CYLC2: variants seen among roughly 807,000 people sequenced by gnomAD.
CYLC2 encodes the protein cylicin-2.
In CYLC2, 30 loss-of-function variants were observed where a neutral mutation model predicts 26.1. The observed-to-expected ratio is 1.15, with a 90% CI of 0.86 to 1.56. CYLC2 has a LOEUF of 1.56. CYLC2 is among the 40% of genes most tolerant of loss of function. CYLC2 has a pLI of 0.00. For synonymous variants in CYLC2, 158 were observed against 132.8 expected (o/e 1.19, Z -1.31); for missense variants, 498 against 394.4 (o/e 1.26, Z -2.23).
At chr9:103,009,842 T>C (rs915685031) in intron 5 of CYLC2, among the ~76,000 whole-genome samples, 1 of 151,476 alleles carries the variant, frequency 6.6e-6, no homozygotes, top group Non-Finnish European at 1.5e-5. Context: ...AACACTTTTA[T>C]CTTTGTAATA....
chr9:103,013,487 C>CATATATTATATAAATATATATTTAAT (rs1564100586), intron 6 of CYLC2, among the ~76,000 whole-genome samples: 13 of 107,564 alleles, frequency 1.2e-4, no homozygotes. Flanking sequence ...ATATATTTAA[C>CATATATTATATAAATATATATTTAAT]ATATTACATA....
chr9:102,999,033 T>G (rs866981630), intron 1 of CYLC2, among the ~76,000 whole-genome samples: 1 of 151,960 alleles, frequency 6.6e-6, no homozygotes, highest in Middle Eastern at 3.4e-3. Flanking sequence ...GACACTTGAG[T>G]TGCTTTTAGT....
rs376588588 is a variant in CYLC2 at position 102,998,548 on chromosome 9, A to G, written c.18-3030A>G. Among the ~76,000 whole-genome samples, 7 of 151,926 alleles carry G rather than the reference A, an allele frequency of 4.6e-5. No homozygotes were observed. In the East Asian group the frequency reaches 5.8e-4, roughly 13 times the overall value. The stretch of plus-strand genomic sequence containing the variant: ...AGAGTGGGAAAGTGCTATCAAATCC[A>G]AAAGATCAAATTGCTTTAATTGCTT... On this transcript the variant is annotated intron_variant, in intron 1 of 7. Coordinates refer to ENST00000374798, the MANE Select transcript of CYLC2 (RefSeq NM_001340.5).
Position 103,002,524 on chromosome 9 carries a change from C to T in CYLC2, c.59-618C>T, listed in dbSNP as rs10990420. Among the ~76,000 whole-genome samples, 1,664 of 151,954 alleles carry T rather than the reference C, an allele frequency of 0.011. 100 individuals carry two copies. In the East Asian group the frequency reaches 0.2, roughly 18 times the overall value. Reference sequence around the variant, plus strand: ...GAGACTACAGGCGCCTGCCACCACACCTGGTTTTTAGTAGAGACGGGGTTT... The same window carrying T: ...GAGACTACAGGCGCCTGCCACCACATCTGGTTTTTAGTAGAGACGGGGTTT... On this transcript the variant is annotated intron_variant, in intron 2 of 7. Coordinates refer to ENST00000374798, the MANE Select transcript of CYLC2 (RefSeq NM_001340.5).
intron 5 of CYLC2, among the ~76,000 whole-genome samples, chr9:103,009,485 T>C (rs1255908912): frequency 6.6e-6 from 1 of 152,078 alleles, no homozygotes; most frequent in Non-Finnish European, 1.5e-5. Context: ...ATTACAGGAA[T>C]GGTACTATCA....
At chr9:103,014,476 A>ATATAT (rs1829467049) in intron 6 of CYLC2, among the ~76,000 whole-genome samples, 1 of 138,058 alleles carries the variant, frequency 7.2e-6, no homozygotes, top group African/African-American at 2.6e-5. Flanking sequence ...AATATACATA[A>ATATAT]TATGTATATT....
intron 1 of CYLC2, among the ~76,000 whole-genome samples, chr9:102,997,149 C>A (rs1829246310): frequency 1.3e-5 from 2 of 151,832 alleles, no homozygotes; most frequent in Admixed American, 6.6e-5. Flanking sequence ...TAAATCCTGG[C>A]ACCACTCACA....
chr9:103,007,955 A>C (rs1829368571), intron 5 of CYLC2, among the ~76,000 whole-genome samples: 1 of 152,028 alleles, frequency 6.6e-6, no homozygotes, highest in South Asian at 2.1e-4. Context: ...AGGTGATCAC[A>C]CGTTGTTAGC....
intron 1 of CYLC2, 60 bp downstream of exon 1, chr9:102,995,457 C>T: frequency 8.0e-7 from 1 of 1,244,070 alleles, no homozygotes. Flanking sequence ...CATTTAACTT[C>T]TTTAGTATGA....
chr9:102,996,795 A>G (rs1375159959), intron 1 of CYLC2, among the ~76,000 whole-genome samples: 2 of 151,822 alleles, frequency 1.3e-5, no homozygotes, highest in African/African-American at 4.8e-5. Flanking sequence ...TTCCTTTCCC[A>G]CTTATTCCTT....
At chr9:103,000,279 C>T (rs1829275963) in intron 1 of CYLC2, among the ~76,000 whole-genome samples, 3 of 151,722 alleles carry the variant, frequency 2.0e-5, no homozygotes, top group Non-Finnish European at 2.9e-5. Flanking sequence ...ATTTCAAATT[C>T]AATTGCTGGG....
chr9:103,009,518 A>G (rs1055394903), intron 5 of CYLC2, among the ~76,000 whole-genome samples: 2 of 152,132 alleles, frequency 1.3e-5, no homozygotes, highest in African/African-American at 4.8e-5. Context: ...TAATAATTAC[A>G]TCATGGAGAA....
At chr9:103,017,362 T>G (rs1160563542) in intron 7 of CYLC2, among the ~76,000 whole-genome samples, 1 of 152,090 alleles carries the variant, frequency 6.6e-6, no homozygotes, top group African/African-American at 2.4e-5. Flanking sequence ...AAAGGGCATC[T>G]GCAGAATGTT....
intron 5 of CYLC2, among the ~76,000 whole-genome samples, chr9:103,007,008 C>T (rs1009228577): frequency 6.6e-6 from 1 of 152,034 alleles, no homozygotes; most frequent in African/African-American, 2.4e-5. Flanking sequence ...TGCTTCATAA[C>T]ATCATATTGT....
At chr9:102,997,100 C>T (rs1829245430) in intron 1 of CYLC2, among the ~76,000 whole-genome samples, 2 of 151,768 alleles carry the variant, frequency 1.3e-5, no homozygotes, top group South Asian at 4.2e-4. Flanking sequence ...CTCTTACTAT[C>T]CTGGTCTAGG....
intron 6 of CYLC2, among the ~76,000 whole-genome samples, chr9:103,013,602 T>A (rs1564100645): frequency 8.9e-6 from 1 of 112,260 alleles, no homozygotes; most frequent in Non-Finnish European, 1.6e-5. Flanking sequence ...AATATATTTA[T>A]AAATATTTTA....
In CYLC2 at chr9:103,001,585, G is replaced by C. The variant is rs1829289507; in HGVS notation, c.25G>C (p.Val9Leu). 1 of 1,550,428 alleles carries C rather than the reference G, an allele frequency of 6.4e-7. No individual in the cohort carries two copies. The highest frequency in any genetic ancestry group is 2.3e-5 in the East Asian group (1 of 44,340). ...TCTTTTTTGTTTTAATAGCCAAAGA[G>C]TAAACTTTGGGCCATATGATAATTA... MSLPRFQR[V>L]NFGPYDNYIP... The change falls in exon 2 of 8, where the codon GTA (valine) becomes CTA (leucine). Residue 9 changes from valine to leucine, a missense_variant. Val to Leu is a conservative substitution (Grantham distance 32, BLOSUM62 1). Transcript: ENST00000374798.
At chr9:103,017,811 C>G (rs987055732) in intron 7 of CYLC2, among the ~76,000 whole-genome samples, 1 of 151,914 alleles carries the variant, frequency 6.6e-6, no homozygotes, top group Non-Finnish European at 1.5e-5. Context: ...ATATTGGCAG[C>G]GTTGATTTCT....
At chr9:103,013,425 CAT>C (rs1829440461) in intron 6 of CYLC2, among the ~76,000 whole-genome samples, 1 of 53,622 alleles carries the variant, frequency 1.9e-5, no homozygotes, top group Non-Finnish European at 3.0e-5. Context: ...TATTGTGTAT[CAT>C]ATATACATAA....
Sources: allele counts gnomAD v4.1 joint callset (sites outside exome capture counted in the v4.1 genomes callset), GRCh38; gene constraint gnomAD v4.1.1; transcripts MANE v1.5; gene names NCBI Gene and HGNC (gene_info 2026-07-23, HGNC 2026-07-21).